The following GBX1 variants were observed in gnomAD, a reference collection of about 807,000 sequenced individuals.
GBX1 encodes homeobox protein GBX-1.
A neutral mutation model predicts 22.9 loss-of-function variants in GBX1; 9 were observed. The observed-to-expected ratio is 0.39, with a 90% CI of 0.24 to 0.69. GBX1 has a LOEUF of 0.69. Among genes scored for constraint, GBX1 ranks in the 30% least tolerant of loss-of-function variants. The pLI is 0.43. For missense variants in GBX1, 494 were observed against 509.2 expected, an observed-to-expected ratio of 0.97 and a Z score of 0.29; for synonymous variants, 203 against 227.3, an observed-to-expected ratio of 0.89 and a Z score of 0.96.
chr7:151,152,724 A>T (rs1387484663), intron 1 of GBX1, among the ~76,000 whole-genome samples: 2 of 152,174 alleles, frequency 1.3e-5, no homozygotes, highest in African/African-American at 4.8e-5. Flanking sequence ...CTGAGATCGT[A>T]TCATCCATCC....
intron 1 of GBX1, among the ~76,000 whole-genome samples, chr7:151,152,154 A>C (rs957205971): frequency 2.6e-5 from 4 of 152,242 alleles, no homozygotes; most frequent in Non-Finnish European, 2.9e-5. Context: ...AATACAGAGT[A>C]GACACTCAAT....
At position 151,167,377 on chromosome 7, in the gene GBX1, G is replaced by T; in HGVS notation, c.172C>A (p.Pro58Thr). ...AGCGGCGCAGGGGCCAGCGCCTGCG[G>T]CAGCACGAGCGGCCGGTAGGGCATG... ...MFMPYRPLVL[P>T]QALAPAPLPA... is the part of the protein sequence containing the mutation. Residue 58 changes from proline (P) to threonine (T), a missense_variant, in exon 1 of 2, where the codon CCG (proline) becomes ACG (threonine). Around this residue, in one of 3 missense-constraint regions of GBX1, gnomAD observed 365 missense variants for 340.4 expected, o/e 1.07. Coordinates refer to ENST00000297537, the MANE Select transcript of GBX1 (RefSeq NM_001098834.3). This position sits in a 1 kb window ranked among gnomAD's most constrained non-coding sequence, Gnocchi z 5.9. 1 of 1,511,902 alleles carries T rather than the reference G, an allele frequency of 6.6e-7. No individual in the cohort carries two copies. The allele number at this position is 1,511,902 out of a possible 1,614,324, so 93.7% of individuals were successfully genotyped here. A position where few individuals can be genotyped will look rare whatever the true frequency, so the allele number is the denominator to read the frequency against.
chr7:151,154,840 TCAAGGGC>T (rs923272690), intron 1 of GBX1, among the ~76,000 whole-genome samples: 1 of 151,824 alleles, frequency 6.6e-6, no homozygotes, highest in Non-Finnish European at 1.5e-5. Flanking sequence ...AGGGAAGAAA[TCAAGGGC>T]CAAAGAATCC....
chr7:151,158,067 C>G (rs948189591), intron 1 of GBX1, among the ~76,000 whole-genome samples: 1 of 152,154 alleles, frequency 6.6e-6, no homozygotes, highest in Admixed American at 6.5e-5. Context: ...TGAATCCACT[C>G]AGGTATTTTG....
At chr7:151,163,798 TCTC>T (rs1263158244) in intron 1 of GBX1, among the ~76,000 whole-genome samples, 1 of 152,204 alleles carries the variant, frequency 6.6e-6, no homozygotes, top group Non-Finnish European at 1.5e-5. Context: ...TTCGGAATTC[TCTC>T]CTCTTTATTA....
At chr7:151,151,663 C>CA (rs1486211381) in intron 1 of GBX1, among the ~76,000 whole-genome samples, 1 of 152,220 alleles carries the variant, frequency 6.6e-6, no homozygotes, top group Non-Finnish European at 1.5e-5. Context: ...TCACAACCCA[C>CA]ATCCAGTCCA....
chr7:151,167,237 C>A lies in GBX1; in HGVS notation c.312G>T (p.Ala104=), dbSNP rs760428173. The part of the protein sequence containing the change: ...AVPSMVALTT[A]LPSFAEPPDA... ...CGGGCGGCTCCGCGAAGCTGGGCAG[C>A]GCGGTGGTCAGCGCCACCATCGAGG... Residue 104 remains alanine, a synonymous_variant, in exon 1 of 2, where the codon GCG becomes GCT. Coordinates refer to ENST00000297537, the MANE Select transcript of GBX1 (RefSeq NM_001098834.3). The surrounding 1 kb of genome is among the most constrained non-coding windows in gnomAD (Gnocchi z 5.9). 6 of 1,552,622 alleles carry A rather than the reference C, an allele frequency of 3.9e-6. No homozygotes were observed. Among genetic ancestry groups the A allele is most frequent in the Admixed American group, 3.9e-5 (2 of 51,090 alleles).
intron 1 of GBX1, among the ~76,000 whole-genome samples, chr7:151,157,480 C>A (rs1801148161): frequency 6.6e-6 from 1 of 152,194 alleles, no homozygotes; most frequent in African/African-American, 2.4e-5. Context: ...ACAGAACTCT[C>A]TTCAGACCTT....
chr7:151,166,158 C>T (rs1251796652), intron 1 of GBX1, among the ~76,000 whole-genome samples: 1 of 152,240 alleles, frequency 6.6e-6, no homozygotes, highest in Admixed American at 6.5e-5. Context: ...ATAGAGAGGT[C>T]AGGAGGGCTC....
Position 151,167,451 on chromosome 7 carries a change from G to A in GBX1, c.98C>T (p.Pro33Leu), listed in dbSNP as rs929834883. 8 of 1,515,846 alleles carry A rather than the reference G, an allele frequency of 5.3e-6. No homozygotes were observed. The highest frequency in any genetic ancestry group is 7.0e-6 in the Non-Finnish European group (8 of 1,135,448). The allele number at this position is 1,515,846 out of a possible 1,614,324, so 93.9% of individuals were successfully genotyped here. ...CAAGTGGCCGGAGCGCGGCGGCGGC[G>A]GCCCGATTAGGGAGTCGATGGAGAA... ...TAFSIDSLIG[P>L]PPPRSGHLLY... is the part of the protein sequence containing the mutation. The change falls in exon 1 of 2, where the codon CCG becomes CTG. Residue 33 changes from proline to leucine, a missense_variant. Pro to Leu is a moderately conservative substitution (Grantham distance 98). Around this residue, in one of 3 missense-constraint regions of GBX1, gnomAD observed 365 missense variants for 340.4 expected, o/e 1.07. Transcript: ENST00000297537. This position sits in a 1 kb window ranked among gnomAD's most constrained non-coding sequence, Gnocchi z 5.9.
chr7:151,159,227 G>C (rs1190948234), intron 1 of GBX1, among the ~76,000 whole-genome samples: 3 of 151,844 alleles, frequency 2.0e-5, no homozygotes, highest in Non-Finnish European at 4.4e-5. Context: ...TGGGACCACA[G>C]GTGTGCGCCA....
chr7:151,157,164 C>T (rs1447980733), intron 1 of GBX1, among the ~76,000 whole-genome samples: 6 of 151,260 alleles, frequency 4.0e-5, no homozygotes, highest in Admixed American at 2.0e-4. Flanking sequence ...GGCATGGTGG[C>T]ACATGCCTGT....
At chr7:151,160,237 C>T (rs1801175944) in intron 1 of GBX1, among the ~76,000 whole-genome samples, 1 of 152,168 alleles carries the variant, frequency 6.6e-6, no homozygotes, top group Admixed American at 6.5e-5. Context: ...AGTTTATGTA[C>T]TTGTAGTGTC....
At position 151,167,275 on chromosome 7, in the gene GBX1, C is replaced by A. The variant is rs1801268637; in HGVS notation, c.274G>T (p.Gly92Cys). ...GCCACCATCGAGGGCACAGCCTGAC[C>A]CAGCCCCGCGCAGAAGGTGTTGGTA... ...RLTNTFCAGL[G>C]QAVPSMVALT... The change falls in exon 1 of 2, where the codon GGT becomes TGT. Residue 92 changes from glycine (G) to cysteine (C), a missense_variant. This residue lies in a region of GBX1 where 365 missense variants were observed against 340.4 expected (regional missense o/e 1.07). Coordinates refer to ENST00000297537, the MANE Select transcript of GBX1 (RefSeq NM_001098834.3). This position sits in a 1 kb window ranked among gnomAD's most constrained non-coding sequence, Gnocchi z 5.9. 1.3e-6 allele frequency: 2 copies of A among 1,539,412 alleles called. No individual in the cohort carries two copies. Among genetic ancestry groups the A allele is most frequent in the Admixed American group, 2.0e-5 (1 of 49,348 alleles).
chr7:151,164,776 CTTTTTTTTT>C (rs71533521), intron 1 of GBX1, among the ~76,000 whole-genome samples: 1 of 104,406 alleles, frequency 9.6e-6, no homozygotes, highest in African/African-American at 3.8e-5. Context: ...AAATTTCCCT[CTTTTTTTTT>C]TTTTTTTTTT....
chr7:151,167,587 T>C lies in GBX1; in HGVS notation c.-39A>G. 7.6e-6 allele frequency: 10 copies of C among 1,316,654 alleles called. No homozygotes were observed. The highest frequency in any genetic ancestry group is 7.7e-6 in the Non-Finnish European group (8 of 1,041,190). The allele number at this position is 1,316,654 out of a possible 1,614,324, so 81.6% of individuals were successfully genotyped here. On this transcript the variant is annotated 5_prime_UTR_variant, in exon 1 of 2. Coordinates refer to ENST00000297537, the MANE Select transcript of GBX1 (RefSeq NM_001098834.3). This position sits in a 1 kb window ranked among gnomAD's most constrained non-coding sequence, Gnocchi z 5.9. ...GCGGCCGCCCCGGGGCGCTCCTCTC[T>C]GGGCGCCTCCGTGCGCCCCGCGGCT...
chr7:151,157,364 C>T (rs1370287175), intron 1 of GBX1, among the ~76,000 whole-genome samples: 3 of 152,214 alleles, frequency 2.0e-5, no homozygotes, highest in Non-Finnish European at 4.4e-5. Context: ...CTTTCTCCCT[C>T]ATTCCTCATA....
intron 1 of GBX1, chr7:151,149,912 T>C (rs1006002628): frequency 1.1e-5 from 5 of 455,856 alleles, no homozygotes; most frequent in African/African-American, 1.0e-4. Context: ...AAACCATCTC[T>C]TTCCCACCTT....
rs1801088275 is a variant in GBX1, at chr7:151,152,229, C to A, written c.539-3087G>T. On this transcript the variant is annotated intron_variant, in intron 1 of 1. Coordinates refer to ENST00000297537, the MANE Select transcript of GBX1 (RefSeq NM_001098834.3). ...GCTCATGCATGTGCTCCCCGTCTTT[C>A]TTTCCCTCCCTGTCCTTTCCTTTCC... Among the ~76,000 whole-genome samples, 4 of 152,278 alleles carry A rather than the reference C, an allele frequency of 2.6e-5. No individual in the cohort carries two copies. In the South Asian group the frequency reaches 8.3e-4, roughly 32 times the overall value.
Sources: allele counts gnomAD v4.1 joint callset (sites outside exome capture counted in the v4.1 genomes callset), GRCh38; gene constraint gnomAD v4.1.1; regional missense constraint gnomAD v4.1.1; non-coding constraint Gnocchi (gnomAD v3.1); transcripts MANE v1.5; gene names NCBI Gene and HGNC (gene_info 2026-07-23, HGNC 2026-07-21).